The following ROBO2 variants were observed in gnomAD, a reference collection of about 807,000 sequenced individuals.
ROBO2 encodes the protein roundabout guidance receptor 2.
ROBO2 carries 53 observed loss-of-function variants against 160.8 expected under a neutral mutation model. The observed-to-expected ratio is 0.33, with a 90% CI of 0.26 to 0.41. The LOEUF (loss-of-function observed/expected upper bound fraction) is 0.41, where lower values mean the gene tolerates loss of function less well. Among genes scored for constraint, ROBO2 ranks in the 10% least tolerant of loss-of-function variants. The probability of loss-of-function intolerance (pLI) is 1.00; values close to 1 mark genes in which losing one functional copy is unlikely to be tolerated. For synonymous variants in ROBO2, 664 were observed against 611.7 expected (o/e 1.09, Z -1.26); for missense variants, 1,577 against 1,722.4 (o/e 0.92, Z 1.49).
chr3:76,397,280 G>A (rs931321467), intron 2 of ROBO2, among the ~76,000 whole-genome samples: 1 of 152,056 alleles, frequency 6.6e-6, no homozygotes, highest in African/African-American at 2.4e-5. Context: ...TATGTAGAAA[G>A]CTGAAACTGG....
chr3:76,431,223 C>A (rs1285281165), intron 2 of ROBO2, among the ~76,000 whole-genome samples: 1 of 151,474 alleles, frequency 6.6e-6, no homozygotes, highest in Non-Finnish European at 1.5e-5. Context: ...ACACAATGGC[C>A]TTTTATTTGT....
chr3:76,531,917 CT>C (rs1336978287), intron 2 of ROBO2, among the ~76,000 whole-genome samples: 1 of 152,068 alleles, frequency 6.6e-6, no homozygotes, highest in South Asian at 2.1e-4. Flanking sequence ...ATAATACCCA[CT>C]TTTTAGATGA....
intron 2 of ROBO2, among the ~76,000 whole-genome samples, chr3:76,968,744 T>C (rs377570004): frequency 1.3e-5 from 2 of 152,324 alleles, no homozygotes; most frequent in East Asian, 1.9e-4. Flanking sequence ...CAGAAAACCA[T>C]CATAAATATT....
At position 76,335,646 on chromosome 3, in the gene ROBO2, C is replaced by A. The variant is rs1406967523; in HGVS notation, c.109+398044C>A. Among the ~76,000 whole-genome samples, 4 of 151,550 alleles carry A rather than the reference C, an allele frequency of 2.6e-5. No individual in the cohort carries two copies. In the East Asian group the frequency reaches 5.9e-4, roughly 22 times the overall value. On this transcript the variant is annotated intron_variant, in intron 2 of 26. Transcript: ENST00000487694. The stretch of plus-strand genomic sequence containing the variant: ...AGGCTGGAGTGCAGGGGCGCGATCT[C>A]GGCTCACTGCAAGCTCCACCTCCCG...
In ROBO2 at chr3:76,242,185, T is replaced by C. The variant is rs956940258; in HGVS notation, c.109+304583T>C. Among the ~76,000 whole-genome samples the C allele has an allele frequency of 4.3e-4, 65 of 152,308 alleles. 1 individual carries two copies. The highest frequency in any genetic ancestry group is 1.4e-3 in the Admixed American group (21 of 15,298). ...AAATATAGCAATTACATTATGAAGC[T>C]GCTTTCTAAAGCAGTTGTTGTGCGG... On this transcript the variant is annotated intron_variant, in intron 2 of 26. Transcript: ENST00000487694.
intron 2 of ROBO2, among the ~76,000 whole-genome samples, chr3:76,650,919 A>T (rs2091227387): frequency 6.6e-6 from 1 of 152,208 alleles, no homozygotes; most frequent in Non-Finnish European, 1.5e-5. Context: ...CATTAACTTG[A>T]TCATAAATTT....
intron 2 of ROBO2, among the ~76,000 whole-genome samples, chr3:77,112,150 C>G (rs541485742): frequency 1.4e-5 from 2 of 147,066 alleles, no homozygotes; most frequent in African/African-American, 5.0e-5. Context: ...CGAGATCGCG[C>G]CGCCGTCGCA....
At chr3:76,323,406 T>C (rs2072745349) in intron 2 of ROBO2, among the ~76,000 whole-genome samples, 1 of 152,144 alleles carries the variant, frequency 6.6e-6, no homozygotes, top group Non-Finnish European at 1.5e-5. Context: ...CATACTATTA[T>C]TTTTTTATTT....
chr3:76,908,939 AT>A (rs577246869), intron 2 of ROBO2, among the ~76,000 whole-genome samples: 181 of 152,298 alleles, frequency 1.2e-3, no homozygotes, highest in African/African-American at 4.2e-3. Flanking sequence ...TCTTAAAACA[AT>A]TTCTAGTTTA....
intron 2 of ROBO2, among the ~76,000 whole-genome samples, chr3:76,120,678 T>G (rs112077827): frequency 3.9e-5 from 6 of 152,174 alleles, no homozygotes; most frequent in Non-Finnish European, 8.8e-5. Context: ...CCTTATATAT[T>G]TGTTGGCCAT....
At chr3:76,657,484 GC>G in intron 2 of ROBO2, among the ~76,000 whole-genome samples, 1 of 150,868 alleles carries the variant, frequency 6.6e-6, no homozygotes, top group South Asian at 2.1e-4. Context: ...GGTGGCTCAC[GC>G]CTGTAGTTCT....
In ROBO2 at chr3:76,177,645, T is replaced by C. The variant is rs547505709; in HGVS notation, c.109+240043T>C. 1.5e-3 allele frequency among the ~76,000 whole-genome samples: 226 copies of C among 152,316 alleles called. 1 individual carries two copies. Among genetic ancestry groups the C allele is most frequent in the Middle Eastern group, 3.4e-3 (1 of 294 alleles). Reference sequence around the variant, plus strand: ...TTTCTCCTAGCTAACTAAGGAGATGTTCTATTTTACATGCTAATTGTAATT... The same window carrying C: ...TTTCTCCTAGCTAACTAAGGAGATGCTCTATTTTACATGCTAATTGTAATT... On this transcript the variant is annotated intron_variant, in intron 2 of 26. Transcript: ENST00000487694.
chr3:77,517,492 G>A (rs1445674401), intron 5 of ROBO2, among the ~76,000 whole-genome samples: 1 of 151,506 alleles, frequency 6.6e-6, no homozygotes, highest in Non-Finnish European at 1.5e-5. Context: ...GAAGCCATTG[G>A]ATAGTTTCGA....
At chr3:76,854,090 C>CTCTT (rs1366831890) in intron 2 of ROBO2, among the ~76,000 whole-genome samples, 5 of 149,546 alleles carry the variant, frequency 3.3e-5, no homozygotes, top group Middle Eastern at 6.9e-3. Flanking sequence ...CTCTCTCTCT[C>CTCTT]TCATATCAAA....
rs191407005 is a variant in ROBO2, at chr3:76,305,536, G to A, written c.109+367934G>A. ...AGCACATTGGGTGGCTGAGGCAGGC[G>A]GATCACGAGGTCAGGAGTTCAAGAC... On this transcript the variant is annotated intron_variant, in intron 2 of 26. Coordinates refer to the ROBO2 transcript ENST00000487694. 5.0e-4 allele frequency among the ~76,000 whole-genome samples: 76 copies of A among 151,582 alleles called. No homozygotes were observed. The Middle Eastern group carries it at 0.021, about 41-fold the overall frequency.
intron 2 of ROBO2, among the ~76,000 whole-genome samples, chr3:76,016,671 C>G (rs1193884109): frequency 6.6e-6 from 1 of 151,828 alleles, no homozygotes; most frequent in Non-Finnish European, 1.5e-5. Context: ...CTGGTATATG[C>G]AAAATCTTCA....
intron 2 of ROBO2, among the ~76,000 whole-genome samples, chr3:76,862,579 C>T (rs531174311): frequency 6.6e-6 from 1 of 152,130 alleles, no homozygotes; most frequent in East Asian, 1.9e-4. Context: ...CCTACCAAGG[C>T]TGTGTGTTCA....
At chr3:77,368,017 G>T (rs915785577) in intron 2 of ROBO2, among the ~76,000 whole-genome samples, 1 of 152,070 alleles carries the variant, frequency 6.6e-6, no homozygotes, top group Admixed American at 6.6e-5. Flanking sequence ...ATAAATAGTG[G>T]AGTGTTTCTA....
chr3:77,641,702 A>G (rs1457055193), intron 24 of ROBO2, among the ~76,000 whole-genome samples: 1 of 152,194 alleles, frequency 6.6e-6, no homozygotes, highest in Non-Finnish European at 1.5e-5. Context: ...AGAAAATGAT[A>G]CAAATTGATG....
Sources: gnomAD v4.1 joint callset for allele counts (sites outside exome capture counted in the v4.1 genomes callset) on GRCh38, gnomAD v4.1.1 for gene constraint, MANE v1.5 for transcripts, NCBI Gene and HGNC (gene_info 2026-07-23, HGNC 2026-07-21) for gene names.